Variants in PCDHGA6 observed in about 807,000 individuals in gnomAD.
PCDHGA6 encodes protocadherin gamma-A6.
In PCDHGA6, 41 loss-of-function variants were observed where a neutral mutation model predicts 60.6. That is an observed-to-expected ratio of 0.68 (90% CI 0.53 to 0.88). The LOEUF (loss-of-function observed/expected upper bound fraction) is 0.88. PCDHGA6 is among the 40% of genes least tolerant of loss of function. The pLI, the probability that PCDHGA6 is intolerant of heterozygous loss-of-function variation, is 0.00. For missense variants in PCDHGA6, 1,312 were observed against 1,203.0 expected, an observed-to-expected ratio of 1.09 and a Z score of -1.34; for synonymous variants, 594 against 524.4, an observed-to-expected ratio of 1.13 and a Z score of -1.81.
At chr5:141,416,215 A>G (rs969061407) in intron 1 of PCDHGA6, 1 of 152,400 alleles carries the variant, frequency 6.6e-6, no homozygotes, top group Non-Finnish European at 1.5e-5. Flanking sequence ...ATAACAATGT[A>G]TGCTTAGATT....
At chr5:141,376,773 G>A (rs1773367206) in intron 1 of PCDHGA6, 1 of 400,602 alleles carries the variant, frequency 2.5e-6, no homozygotes, top group East Asian at 5.1e-5. Context: ...TGCAAGCTCC[G>A]CTTCCCGGGT....
Position 141,485,190 on chromosome 5 carries a change from G to C in PCDHGA6, c.2425-9617G>C. 6.2e-7 allele frequency: 1 copy of C among 1,613,920 alleles called. No individual in the cohort carries two copies. Among genetic ancestry groups the C allele is most frequent in the Non-Finnish European group, 8.5e-7 (1 of 1,179,788 alleles). Reference sequence around the variant, plus strand: ...GCGGCAGCAATGCTCCGCAAGGTGAGAAGCTGGACAGAAATCTGGCGGTGG... The same window carrying C: ...GCGGCAGCAATGCTCCGCAAGGTGACAAGCTGGACAGAAATCTGGCGGTGG... On this transcript the variant is annotated intron_variant, in intron 1 of 3. Coordinates refer to ENST00000517434, the MANE Select transcript of PCDHGA6 (RefSeq NM_018919.3). This position sits in a 1 kb window ranked among gnomAD's most constrained non-coding sequence, Gnocchi z 5.7.
Position 141,476,908 on chromosome 5 carries a change from A to T in PCDHGA6, c.2425-17899A>T. ...ATGCACCCTCCGGCACGCGCGTGGT[A>T]CAAGTCCTTGCAACGGATCTGGATG... is the stretch of plus-strand genomic sequence containing the variant. On this transcript the variant is annotated intron_variant, in intron 1 of 3. Coordinates refer to ENST00000517434, the MANE Select transcript of PCDHGA6 (RefSeq NM_018919.3). This position sits in a 1 kb window ranked among gnomAD's most constrained non-coding sequence, Gnocchi z 7.6. The T allele has an allele frequency of 1.2e-6, 2 of 1,614,050 alleles. No individual in the cohort carries two copies. The highest frequency in any genetic ancestry group is 1.7e-6 in the Non-Finnish European group (2 of 1,180,038).
chr5:141,381,698 C>A (rs1251060336), intron 1 of PCDHGA6, among the ~76,000 whole-genome samples: 1 of 152,046 alleles, frequency 6.6e-6, no homozygotes, highest in Non-Finnish European at 1.5e-5. Flanking sequence ...ACAACGATTT[C>A]TTTCTTTTTT....
chr5:141,503,440 C>A (rs1185892958), intron 2 of PCDHGA6, among the ~76,000 whole-genome samples: 2 of 151,694 alleles, frequency 1.3e-5, no homozygotes, highest in African/African-American at 4.8e-5. Context: ...ACTAAAAATA[C>A]AAAAATTCGC....
chr5:141,413,002 G>A, intron 1 of PCDHGA6: 2 of 597,506 alleles, frequency 3.3e-6, no homozygotes, highest in East Asian at 3.0e-5. Context: ...GGATTCTCAG[G>A]GCTTCAACTA....
At chr5:141,376,920 C>G (rs527270477) in intron 1 of PCDHGA6, 1 of 173,352 alleles carries the variant, frequency 5.8e-6, no homozygotes, top group Non-Finnish European at 1.2e-5. Flanking sequence ...ATCTCCTGAC[C>G]TCATGATCCA....
rs557311426 is a variant in PCDHGA6, at chr5:141,384,226, G to T, written c.2424+7719G>T. 56 of 1,613,860 alleles carry T rather than the reference G, an allele frequency of 3.5e-5. No homozygotes were observed. In the East Asian group the frequency reaches 1.2e-3, roughly 34 times the overall value. ...GGAAACTCACATATTCATGCAGGTGGCAGACACCAACGATAACCCACCCAC... is the reference window on the plus strand; with the variant it reads ...GGAAACTCACATATTCATGCAGGTGTCAGACACCAACGATAACCCACCCAC... On this transcript the variant is annotated intron_variant, in intron 1 of 3. Coordinates refer to ENST00000517434, the MANE Select transcript of PCDHGA6 (RefSeq NM_018919.3).
At position 141,374,365 on chromosome 5, in the gene PCDHGA6, G is replaced by T. The variant is rs1180030505; in HGVS notation, c.282G>T (p.Glu94Asp). 1.2e-6 allele frequency: 2 copies of T among 1,614,054 alleles called. No homozygotes were observed. Among genetic ancestry groups the T allele is most frequent in the South Asian group, 1.1e-5 (1 of 91,088 alleles). The stretch of plus-strand genomic sequence containing the variant: ...CCGCGGGTAGGATAGACCGCGAGGA[G>T]CTCTGTGCTCAGAGCCCGCGGTGTC... ...LVTAGRIDRE[E>D]LCAQSPRCLV... Residue 94 changes from glutamate (E) to aspartate (D), a missense_variant, in exon 1 of 4, where the codon GAG (glutamate) becomes GAT (aspartate). Coordinates refer to ENST00000517434, the MANE Select transcript of PCDHGA6 (RefSeq NM_018919.3).
In PCDHGA6 at chr5:141,374,643, A is replaced by G. The variant is rs1283839211; in HGVS notation, c.560A>G (p.His187Arg). ...TCAGTGGACGTGCAAAGCGAAGCCC[A>G]TGGGCCCAAGTACCCGGAGCTGGTG... ...HFSVDVQSEA[H>R]GPKYPELVLE... Residue 187 changes from histidine to arginine, a missense_variant, in exon 1 of 4, where the codon CAT (histidine) becomes CGT (arginine). By Grantham distance (29) the His-to-Arg change is conservative (BLOSUM62 0). Transcript: ENST00000517434. The G allele has an allele frequency of 6.2e-7, 1 of 1,612,916 alleles. No homozygotes were observed. Among genetic ancestry groups the G allele is most frequent in the Admixed American group, 1.7e-5 (1 of 59,882 alleles).
intron 1 of PCDHGA6, chr5:141,378,052 C>A (rs75561194): frequency 5.8e-4 from 88 of 152,282 alleles, no homozygotes; most frequent in African/African-American, 2.0e-3. Context: ...CCTTATCTAT[C>A]TGACTCAAAT....
At chr5:141,456,777 A>G (rs572940615) in intron 1 of PCDHGA6, among the ~76,000 whole-genome samples, 2 of 152,214 alleles carry the variant, frequency 1.3e-5, no homozygotes, top group Admixed American at 6.5e-5. Flanking sequence ...AGCCTGGCCT[A>G]CATGGCAAAA....
At chr5:141,422,777 C>T in intron 1 of PCDHGA6, 1 of 1,613,982 alleles carries the variant, frequency 6.2e-7, no homozygotes, top group Non-Finnish European at 8.5e-7. Context: ...GTTCTCTATG[C>T]CCTACAATCC....
At chr5:141,378,986 C>T (rs1369970851) in intron 1 of PCDHGA6, 2 of 152,156 alleles carry the variant, frequency 1.3e-5, no homozygotes, top group African/African-American at 4.8e-5. Flanking sequence ...TGTTGAACTA[C>T]ATTATAGTCA....
chr5:141,492,077 C>G (rs917149790), intron 1 of PCDHGA6: 1 of 483,342 alleles, frequency 2.1e-6, no homozygotes, highest in African/African-American at 2.0e-5. Context: ...GGCGCCGGCT[C>G]CGGCACGCTT....
chr5:141,460,097 G>A (rs2098982102), intron 1 of PCDHGA6, among the ~76,000 whole-genome samples: 2 of 151,812 alleles, frequency 1.3e-5, no homozygotes, highest in African/African-American at 2.4e-5. Context: ...AATTATACAT[G>A]TAATTATATA....
At chr5:141,467,337 G>A (rs1018807977) in intron 1 of PCDHGA6, among the ~76,000 whole-genome samples, 1 of 152,162 alleles carries the variant, frequency 6.6e-6, no homozygotes, top group Admixed American at 6.6e-5. Flanking sequence ...AGAGACGTAA[G>A]CCACTGCCCC....
intron 1 of PCDHGA6, chr5:141,417,544 C>A: frequency 3.2e-6 from 1 of 308,860 alleles, no homozygotes; most frequent in Non-Finnish European, 5.9e-6. Context: ...AAAAAAATTC[C>A]TTGAAAGAGG....
chr5:141,482,645 G>A (rs1267966412), intron 1 of PCDHGA6, among the ~76,000 whole-genome samples: 1 of 152,120 alleles, frequency 6.6e-6, no homozygotes, highest in Admixed American at 6.5e-5. Context: ...TAGAGGTGGT[G>A]ATGCTTGAGC....
Sources: gnomAD v4.1 joint callset for allele counts (sites outside exome capture counted in the v4.1 genomes callset) on GRCh38, gnomAD v4.1.1 for gene constraint, Gnocchi (gnomAD v3.1) non-coding constraint, MANE v1.5 for transcripts, NCBI Gene and HGNC (gene_info 2026-07-23, HGNC 2026-07-21) for gene names.